Variants in VPS53 observed in about 807,000 individuals in gnomAD.
The protein encoded by VPS53 is vacuolar protein sorting-associated protein 53 homolog.
VPS53 carries 70 observed loss-of-function variants against 107.0 expected under a neutral mutation model. That is an observed-to-expected ratio of 0.65 (90% CI 0.54 to 0.80). The LOEUF is 0.80. VPS53 is among the 30% of genes least tolerant of loss of function. The pLI, the probability that VPS53 is intolerant of heterozygous loss-of-function variation, is 0.00. For missense variants in VPS53, 917 were observed against 1,049.4 expected, an observed-to-expected ratio of 0.87 and a Z score of 1.74; for synonymous variants, 409 against 393.3, an observed-to-expected ratio of 1.04 and a Z score of -0.47.
chr17:636,807 G>C (rs1322711280), intron 7 of VPS53, among the ~76,000 whole-genome samples: 1 of 152,198 alleles, frequency 6.6e-6, no homozygotes, highest in Non-Finnish European at 1.5e-5. Context: ...TGTGCTGCTG[G>C]ATTTGGTTTG....
rs555513485 is a variant in VPS53 at position 654,542 on chromosome 17, T to G, written c.489-1132A>C. On this transcript the variant is annotated intron_variant, in intron 6 of 21. Transcript: ENST00000437048. ...TCACAAGGTCAGGAGATCGAGACCA[T>G]CCTGGCTAACACGGCGAAACCCCGT... Among the ~76,000 whole-genome samples, 7 of 151,826 alleles carry G rather than the reference T, an allele frequency of 4.6e-5. No homozygotes were observed. The South Asian group carries it at 1.5e-3, about 32-fold the overall frequency.
At chr17:572,834 G>A (rs1048303257) in intron 13 of VPS53, among the ~76,000 whole-genome samples, 2 of 150,504 alleles carry the variant, frequency 1.3e-5, no homozygotes, top group Non-Finnish European at 1.5e-5. Context: ...AAGGCAGCAT[G>A]CTCGTTAAGA....
chr17:707,236 T>C (rs894872359), intron 2 of VPS53, among the ~76,000 whole-genome samples: 3 of 151,976 alleles, frequency 2.0e-5, no homozygotes, highest in Non-Finnish European at 2.9e-5. Context: ...AAATCAGCTC[T>C]GTGGGTCGGG....
chr17:706,121 G>A (rs1217339495), intron 2 of VPS53: 2 of 152,138 alleles, frequency 1.3e-5, no homozygotes, highest in Non-Finnish European at 2.9e-5. Context: ...TAACAAAGTG[G>A]AGTTTATCAC....
intron 4 of VPS53, among the ~76,000 whole-genome samples, chr17:670,977 T>C (rs1187065235): frequency 6.6e-6 from 1 of 152,162 alleles, no homozygotes; most frequent in Non-Finnish European, 1.5e-5. Context: ...ACGCCTGTAA[T>C]CCCAGCACTT....
chr17:606,444 T>C (rs1026455031), intron 11 of VPS53, among the ~76,000 whole-genome samples: 1 of 152,092 alleles, frequency 6.6e-6, no homozygotes, highest in Non-Finnish European at 1.5e-5. Context: ...GGATGAGGCA[T>C]GCGTGTCAGG....
Position 533,871 on chromosome 17 carries a change from G to A in VPS53, c.2016-960C>T, listed in dbSNP as rs185969670. On this transcript the variant is annotated intron_variant, in intron 18 of 21. Coordinates refer to ENST00000437048, the MANE Select transcript of VPS53 (RefSeq NM_001128159.3). ...TTTTTTTTTTTTGAGACAGAGTCTCGCTCTGTCACCCAGGCTGGAGTACAG... is the reference window on the plus strand; with the variant it reads ...TTTTTTTTTTTTGAGACAGAGTCTCACTCTGTCACCCAGGCTGGAGTACAG... 1.0e-4 allele frequency among the ~76,000 whole-genome samples: 15 copies of A among 150,704 alleles called. No individual in the cohort carries two copies. The East Asian group carries it at 2.3e-3, about 24-fold the overall frequency.
intron 13 of VPS53, among the ~76,000 whole-genome samples, chr17:565,617 T>C (rs991671516): frequency 2.0e-5 from 3 of 151,924 alleles, no homozygotes; most frequent in African/African-American, 7.3e-5. Flanking sequence ...ACTTTCCCAC[T>C]GAATCTCCCA....
chr17:540,886 G>A (rs1343433180), intron 17 of VPS53, among the ~76,000 whole-genome samples: 2 of 152,166 alleles, frequency 1.3e-5, no homozygotes, highest in African/African-American at 4.8e-5. Flanking sequence ...CCACAGTGGG[G>A]CTGGGGGGTC....
At chr17:560,276 TG>T in intron 15 of VPS53, 149 bp downstream of exon 15, 1 of 1,056,622 alleles carries the variant, frequency 9.5e-7, no homozygotes. Flanking sequence ...GCCTTATGGC[TG>T]GACACTGAGC....
In VPS53 at chr17:665,696, G is replaced by A. The variant is rs865968140; in HGVS notation, c.286-3801C>T. Among the ~76,000 whole-genome samples the A allele has an allele frequency of 2.6e-5, 4 of 152,318 alleles. No individual in the cohort carries two copies. The South Asian group carries it at 6.2e-4, about 24-fold the overall frequency. ...TAGAAATTACTTCATGGTTGTGACC[G>A]GAGTGTTGGTAGAAATACAGACAGT... On this transcript the variant is annotated intron_variant, in intron 4 of 21. Coordinates refer to ENST00000437048, the MANE Select transcript of VPS53 (RefSeq NM_001128159.3).
chr17:554,745 A>C (rs1411908373), intron 15 of VPS53, among the ~76,000 whole-genome samples: 3 of 152,234 alleles, frequency 2.0e-5, no homozygotes, highest in Admixed American at 2.0e-4. Context: ...GTTTTGTCTT[A>C]AATTTGAAAA....
intron 18 of VPS53, among the ~76,000 whole-genome samples, chr17:534,975 A>G (rs1909913911): frequency 1.3e-5 from 2 of 151,532 alleles, no homozygotes; most frequent in African/African-American, 4.9e-5. Flanking sequence ...ATACTAGTCT[A>G]CAGGTGGCGA....
chr17:588,546 C>T, intron 12 of VPS53, among the ~76,000 whole-genome samples: 1 of 152,172 alleles, frequency 6.6e-6, no homozygotes, highest in East Asian at 1.9e-4. Flanking sequence ...TAAATGTCAA[C>T]TTTAGACACA....
intron 4 of VPS53, among the ~76,000 whole-genome samples, chr17:695,902 A>G (rs1418481167): frequency 1.3e-5 from 2 of 152,184 alleles, no homozygotes; most frequent in East Asian, 3.9e-4. Flanking sequence ...AGAGGTAGAC[A>G]ATACGATCAA....
intron 2 of VPS53, among the ~76,000 whole-genome samples, chr17:703,106 G>C (rs1973267392): frequency 6.6e-6 from 1 of 152,196 alleles, no homozygotes; most frequent in Non-Finnish European, 1.5e-5. Flanking sequence ...CTACTCAGGA[G>C]GCTGAGGTGG....
rs923165024 is a variant in VPS53 at position 520,892 on chromosome 17, C to T, written c.2223+709G>A. Among the ~76,000 whole-genome samples the T allele has an allele frequency of 6.6e-6, 1 of 151,968 alleles. No homozygotes were observed. The highest frequency in any genetic ancestry group is 2.4e-5 in the African/African-American group (1 of 41,358). On this transcript the variant is annotated intron_variant, in intron 20 of 21. Coordinates refer to ENST00000437048, the MANE Select transcript of VPS53 (RefSeq NM_001128159.3). This position sits in a 1 kb window ranked among gnomAD's most constrained non-coding sequence, Gnocchi z 4.4. ...CACCTACATGAGCTCTTCACCCTTACCTACATGAGCTGCTTCATCCTCACC... is the reference window on the plus strand; with the variant it reads ...CACCTACATGAGCTCTTCACCCTTATCTACATGAGCTGCTTCATCCTCACC...
intron 12 of VPS53, among the ~76,000 whole-genome samples, chr17:590,443 C>T (rs1469133530): frequency 4.7e-5 from 7 of 150,374 alleles, no homozygotes; most frequent in African/African-American, 7.3e-5. Context: ...AGAGGGCATC[C>T]CTGTCTTGTG....
At chr17:610,137 A>T (rs1429739518) in intron 11 of VPS53, among the ~76,000 whole-genome samples, 8 of 23,332 alleles carry the variant, frequency 3.4e-4, no homozygotes, top group Non-Finnish European at 8.1e-4. Flanking sequence ...TCACACACAC[A>T]CACACACACA....
Sources: allele counts gnomAD v4.1 joint callset (sites outside exome capture counted in the v4.1 genomes callset), GRCh38; gene constraint gnomAD v4.1.1; non-coding constraint Gnocchi (gnomAD v3.1); transcripts MANE v1.5; gene names NCBI Gene and HGNC (gene_info 2026-07-23, HGNC 2026-07-21).